The following ADAMTS2 variants were observed in gnomAD, a reference collection of about 807,000 sequenced individuals.
The protein encoded by ADAMTS2 is A disintegrin and metalloproteinase with thrombospondin motifs 2.
Under a neutral mutation model 123.0 loss-of-function variants are expected in ADAMTS2, and 50 were observed. That is an observed-to-expected ratio of 0.41 (90% CI 0.32 to 0.51). The LOEUF (loss-of-function observed/expected upper bound fraction) is 0.51, where lower values mean the gene tolerates loss of function less well. Among genes scored for constraint, ADAMTS2 ranks in the 20% least tolerant of loss-of-function variants. The pLI, the probability that ADAMTS2 is intolerant of heterozygous loss-of-function variation, is 0.35. For missense variants in ADAMTS2, 1,494 were observed against 1,705.2 expected (o/e 0.88, Z 2.18); for synonymous variants, 678 against 695.4 (o/e 0.98, Z 0.39).
chr5:179,276,751 A>T (rs2113520550), intron 2 of ADAMTS2, among the ~76,000 whole-genome samples: 1 of 152,304 alleles, frequency 6.6e-6, no homozygotes, highest in Non-Finnish European at 1.5e-5. Flanking sequence ...GACTGGGCCG[A>T]TTGAGCCAAT....
rs1401170595 is a variant in ADAMTS2, at chr5:179,181,836, A to G, written c.892-681T>C. 6.6e-6 allele frequency among the ~76,000 whole-genome samples: 1 copy of G among 152,146 alleles called. No individual in the cohort carries two copies. Among genetic ancestry groups the G allele is most frequent in the Non-Finnish European group, 1.5e-5 (1 of 68,028 alleles). The stretch of plus-strand genomic sequence containing the variant: ...CAGGTGCCAATGGGCTTCAGCAGAT[A>G]TCAAAGGGACCCGTGGCACAAAAAC... On this transcript the variant is annotated intron_variant, in intron 4 of 21. Transcript: ENST00000251582. The surrounding 1 kb of genome is among the most constrained non-coding windows in gnomAD (Gnocchi z 4.1).
chr5:179,284,806 A>G (rs1436262048), intron 2 of ADAMTS2, among the ~76,000 whole-genome samples: 1 of 152,208 alleles, frequency 6.6e-6, no homozygotes, highest in Non-Finnish European at 1.5e-5. Flanking sequence ...AGACACACCC[A>G]TGACATATTG....
chr5:179,210,715 C>T (rs1764829756), intron 3 of ADAMTS2, among the ~76,000 whole-genome samples: 1 of 152,234 alleles, frequency 6.6e-6, no homozygotes, highest in African/African-American at 2.4e-5. Flanking sequence ...GCAGGGGGAT[C>T]TGCAATGCCC....
intron 1 of ADAMTS2, among the ~76,000 whole-genome samples, 177 bp from the exon 2 acceptor site, chr5:179,344,338 C>A (rs1177455127): frequency 6.6e-6 from 1 of 152,226 alleles, no homozygotes; most frequent in Non-Finnish European, 1.5e-5. Context: ...CGGGAAGGGG[C>A]GTTAACAGGG....
chr5:179,172,237 C>G (rs1023283523), intron 5 of ADAMTS2, among the ~76,000 whole-genome samples: 1 of 152,194 alleles, frequency 6.6e-6, no homozygotes, highest in Admixed American at 6.5e-5. Context: ...ATCTCAGCAC[C>G]CCCAGGGCCT....
At chr5:179,141,226 CAT>C (rs1220945443) in intron 10 of ADAMTS2, among the ~76,000 whole-genome samples, 3 of 152,156 alleles carry the variant, frequency 2.0e-5, no homozygotes, top group African/African-American at 7.2e-5. Context: ...CTCAGCAAAC[CAT>C]TCCTCAGCAA....
At position 179,175,190 on chromosome 5, in the gene ADAMTS2, C is replaced by T. The variant is rs113900003; in HGVS notation, c.975+5882G>A. On this transcript the variant is annotated intron_variant, in intron 5 of 21. Coordinates refer to ENST00000251582, the MANE Select transcript of ADAMTS2 (RefSeq NM_014244.5). The surrounding 1 kb of genome is among the most constrained non-coding windows in gnomAD (Gnocchi z 4.1). ...AGCTGTCTCAGCCATTCTTGACCGTCCATGTTGCTTTGGAGGAAGTCTCTT... is the reference window on the plus strand; with the variant it reads ...AGCTGTCTCAGCCATTCTTGACCGTTCATGTTGCTTTGGAGGAAGTCTCTT... Among the ~76,000 whole-genome samples the T allele has an allele frequency of 3.1e-4, 35 of 112,252 alleles. No homozygotes were observed. Among genetic ancestry groups the T allele is most frequent in the African/African-American group, 5.5e-4 (16 of 29,230 alleles). 73.6% of individuals were successfully genotyped at this position (112,252 alleles called of 152,430 possible). A position where few individuals can be genotyped will look rare whatever the true frequency, so the allele number is the denominator to read the frequency against.
In ADAMTS2 at chr5:179,128,431, A is replaced by T. The variant is rs561337304; in HGVS notation, c.2458-313T>A. ...TTTTGAGATGGAGTTTCGCTCTTGT[A>T]GCCCAGGCTGGAGTGTAGTGGCACG... On this transcript the variant is annotated intron_variant, in intron 16 of 21. Transcript: ENST00000251582. This position sits in a 1 kb window ranked among gnomAD's most constrained non-coding sequence, Gnocchi z 4.9. Among the ~76,000 whole-genome samples, 2 of 152,204 alleles carry T rather than the reference A, an allele frequency of 1.3e-5. No homozygotes were observed. The highest frequency in any genetic ancestry group is 1.9e-4 in the East Asian group (1 of 5,172).
intron 2 of ADAMTS2, among the ~76,000 whole-genome samples, chr5:179,274,584 T>C (rs1766642923): frequency 6.6e-6 from 1 of 152,194 alleles, no homozygotes; most frequent in Non-Finnish European, 1.5e-5. Flanking sequence ...TATCATCATC[T>C]TGGTTGTGGG....
intron 2 of ADAMTS2, among the ~76,000 whole-genome samples, chr5:179,306,435 CAACT>C (rs1356772188): frequency 6.6e-6 from 1 of 152,196 alleles, no homozygotes; most frequent in African/African-American, 2.4e-5. Context: ...TAAAAACTCT[CAACT>C]AACAGAGAAA....
At chr5:179,223,302 A>G (rs934415907) in intron 3 of ADAMTS2, among the ~76,000 whole-genome samples, 3 of 150,696 alleles carry the variant, frequency 2.0e-5, no homozygotes, top group Non-Finnish European at 4.4e-5. Flanking sequence ...ACACGAACGC[A>G]CTCACATACA....
At position 179,129,806 on chromosome 5, in the gene ADAMTS2, G is replaced by C; in HGVS notation, c.2457+126C>G. 7.6e-7 allele frequency: 1 copy of C among 1,312,032 alleles called. No homozygotes were observed. The allele number at this position is 1,312,032 out of a possible 1,614,324, so 81.3% of individuals were successfully genotyped here. A position where few individuals can be genotyped will look rare whatever the true frequency, so the allele number is the denominator to read the frequency against. On this transcript the variant is annotated intron_variant, in intron 16 of 21. Transcript: ENST00000251582. The surrounding 1 kb of genome is among the most constrained non-coding windows in gnomAD (Gnocchi z 4.1). ...CAAGTCGGAGCCCCTTGGTGCCAAA[G>C]GCAGGCCAAAGGGGCCACGCAGAGT...
chr5:179,145,669 C>G (rs780587355), intron 10 of ADAMTS2, among the ~76,000 whole-genome samples: 2 of 152,084 alleles, frequency 1.3e-5, no homozygotes, highest in Non-Finnish European at 2.9e-5. Flanking sequence ...TCGATAAAGA[C>G]AGCAAGAGGA....
At chr5:179,119,554 G>A (rs1419796489) in intron 21 of ADAMTS2, among the ~76,000 whole-genome samples, 1 of 152,246 alleles carries the variant, frequency 6.6e-6, no homozygotes, top group Non-Finnish European at 1.5e-5. Context: ...CACAGGCCCT[G>A]TGGCTGCCTG....
At chr5:179,150,177 C>G (rs1192749124) in intron 10 of ADAMTS2, among the ~76,000 whole-genome samples, 2 of 152,226 alleles carry the variant, frequency 1.3e-5, no homozygotes, top group Non-Finnish European at 1.5e-5. Context: ...GGCCTGCCTC[C>G]CATTCCCTCT....
chr5:179,129,423 CA>C lies in ADAMTS2; in HGVS notation c.2457+508del. On this transcript the variant is annotated intron_variant, in intron 16 of 21. Transcript: ENST00000251582. The surrounding 1 kb of genome is among the most constrained non-coding windows in gnomAD (Gnocchi z 4.1). Reference sequence around the variant, plus strand: ...AATATATCCCTATGCAGTTAAATTACATTTTAAAAAGTGATCTGACCTCCTC... The same window carrying C: ...AATATATCCCTATGCAGTTAAATTACTTTTAAAAAGTGATCTGACCTCCTC... Among the ~76,000 whole-genome samples the C allele has an allele frequency of 1.3e-5, 2 of 152,308 alleles. No homozygotes were observed. The highest frequency in any genetic ancestry group is 4.1e-4 in the South Asian group (2 of 4,824).
At position 179,115,285 on chromosome 5, in the gene ADAMTS2, C is replaced by T. The variant is rs892125071; in HGVS notation, c.3179-961G>A. On this transcript the variant is annotated intron_variant, in intron 21 of 21. Transcript: ENST00000251582. This position sits in a 1 kb window ranked among gnomAD's most constrained non-coding sequence, Gnocchi z 4.4. Reference sequence around the variant, plus strand: ...TCAACTCTTCTTGCGCTCACACTCTCTTTACTCTCTGTCTCCTTCCCAAGT... The same window carrying T: ...TCAACTCTTCTTGCGCTCACACTCTTTTTACTCTCTGTCTCCTTCCCAAGT... Among the ~76,000 whole-genome samples the T allele has an allele frequency of 4.6e-5, 7 of 152,182 alleles. No individual in the cohort carries two copies. The highest frequency in any genetic ancestry group is 1.7e-4 in the African/African-American group (7 of 41,446).
chr5:179,306,096 A>G (rs1561717128), intron 2 of ADAMTS2, among the ~76,000 whole-genome samples: 1 of 152,108 alleles, frequency 6.6e-6, no homozygotes, highest in African/African-American at 2.4e-5. Context: ...TGAGGTCAAC[A>G]TTACCCTGAT....
intron 3 of ADAMTS2, among the ~76,000 whole-genome samples, chr5:179,271,219 G>C (rs575298668): frequency 6.6e-6 from 1 of 152,226 alleles, no homozygotes; most frequent in African/African-American, 2.4e-5. Flanking sequence ...AATAAGGCAA[G>C]GCCGGCCAGG....
Sources: allele counts gnomAD v4.1 joint callset (sites outside exome capture counted in the v4.1 genomes callset), GRCh38; gene constraint gnomAD v4.1.1; non-coding constraint Gnocchi (gnomAD v3.1); transcripts MANE v1.5; gene names NCBI Gene and HGNC (gene_info 2026-07-23, HGNC 2026-07-21).